JAG1: variants seen among roughly 807,000 people sequenced by gnomAD.
JAG1 encodes protein jagged-1.
A neutral mutation model predicts 148.7 loss-of-function variants in JAG1; 23 were observed. The ratio of observed to expected loss-of-function variants is 0.15; its 90% CI spans 0.11 to 0.22. JAG1 has a LOEUF of 0.22. Among genes scored for constraint, JAG1 ranks in the 10% least tolerant of loss-of-function variants. JAG1 has a pLI of 1.00. For missense variants in JAG1, 1,054 were observed against 1,611.2 expected, an observed-to-expected ratio of 0.65 and a Z score of 5.92; for synonymous variants, 572 against 598.3, an observed-to-expected ratio of 0.96 and a Z score of 0.64.
At position 10,641,981 on chromosome 20, in the gene JAG1, C is replaced by T. The variant is rs576292062; in HGVS notation, c.2573-89G>A. The T allele has an allele frequency of 5.8e-5, 50 of 869,434 alleles. No individual in the cohort carries two copies. In the African/African-American group the frequency reaches 7.2e-4, roughly 13 times the overall value. The allele number at this position is 869,434 out of a possible 1,614,324, so 53.9% of individuals were successfully genotyped here. On this transcript the variant is annotated intron_variant, in intron 21 of 25. Coordinates refer to ENST00000254958, the MANE Select transcript of JAG1 (RefSeq NM_000214.3). ...GGTCCCTGTTATGAAATGGTTATGC[C>T]TGTGCCCTTTGCCATGTTAAGATCA...
intron 21 of JAG1, 67 bp from the exon 22 acceptor site, chr20:10,641,959 C>T: frequency 9.5e-7 from 1 of 1,049,684 alleles, no homozygotes; most frequent in East Asian, 2.4e-5. Context: ...ATTCTTTGGT[C>T]CCTGTTATGA....
At chr20:10,652,868 G>A (rs893855266) in intron 5 of JAG1, 2 of 407,460 alleles carry the variant, frequency 4.9e-6, no homozygotes, top group Non-Finnish European at 9.3e-6. Flanking sequence ...CTCTTCTCAG[G>A]CTCACACGAG....
chr20:10,649,738 A>G (rs1171291793), intron 9 of JAG1, 103 bp from the exon 10 acceptor site: 3 of 730,926 alleles, frequency 4.1e-6, no homozygotes, highest in Non-Finnish European at 7.4e-6. Context: ...GACATGAGAC[A>G]TTTTAATAAG....
rs2122604238 is a variant in JAG1 at position 10,645,870 on chromosome 20, T to C, written c.1999+101A>G. 1 of 852,320 alleles carries C rather than the reference T, an allele frequency of 1.2e-6. No individual in the cohort carries two copies. Among genetic ancestry groups the C allele is most frequent in the East Asian group, 2.4e-5 (1 of 41,492 alleles). 52.8% of individuals were successfully genotyped at this position (852,320 alleles called of 1,614,324 possible). On this transcript the variant is annotated intron_variant, in intron 15 of 25. Transcript: ENST00000254958. This position sits in a 1 kb window ranked among gnomAD's most constrained non-coding sequence, Gnocchi z 6.1. ...GTGCAGAAATCACTGCGGTCTTGCT[T>C]CCAGAGATTTCCAGTACAAAGAAAG...
intron 2 of JAG1, among the ~76,000 whole-genome samples, chr20:10,665,383 A>G (rs1175642183): frequency 6.6e-6 from 1 of 152,188 alleles, no homozygotes. Flanking sequence ...CTGTGGGAAA[A>G]TGCTCAGAAA....
Position 10,673,440 on chromosome 20 carries a change from G to A in JAG1, c.81+10C>T, listed in dbSNP as rs1007851584. On this transcript the variant is annotated intron_variant, in intron 1 of 25. Coordinates refer to ENST00000254958, the MANE Select transcript of JAG1 (RefSeq NM_000214.3). This position sits in a 1 kb window ranked among gnomAD's most constrained non-coding sequence, Gnocchi z 4.7. Reference sequence around the variant, plus strand: ...ACGGCTGGGAGGGAGGCCCGGAGAAGGGCTCCTACCTTGGCTCGCAGGGCA... The same window carrying A: ...ACGGCTGGGAGGGAGGCCCGGAGAAAGGCTCCTACCTTGGCTCGCAGGGCA... 7.6e-6 allele frequency: 11 copies of A among 1,451,768 alleles called. No individual in the cohort carries two copies. The highest frequency in any genetic ancestry group is 1.0e-5 in the Non-Finnish European group (11 of 1,103,000). The allele number at this position is 1,451,768 out of a possible 1,614,324, so 89.9% of individuals were successfully genotyped here. A position where few individuals can be genotyped will look rare whatever the true frequency, so the allele number is the denominator to read the frequency against.
intron 8 of JAG1, 112 bp downstream of exon 8, chr20:10,651,469 C>T (rs753597863): frequency 2.8e-5 from 20 of 706,142 alleles, no homozygotes; most frequent in South Asian, 8.4e-5. Context: ...GGCCTGCACC[C>T]GCCCCTCTCT....
intron 5 of JAG1, among the ~76,000 whole-genome samples, chr20:10,653,851 G>C (rs1162286485): frequency 6.6e-6 from 1 of 152,034 alleles, no homozygotes; most frequent in Non-Finnish European, 1.5e-5. Flanking sequence ...TGAGAATACT[G>C]ACTAACCACT....
intron 2 of JAG1, among the ~76,000 whole-genome samples, chr20:10,670,965 G>A (rs1280950892): frequency 6.6e-6 from 1 of 152,228 alleles, no homozygotes; most frequent in African/African-American, 2.4e-5. Flanking sequence ...TCCTTGGCCA[G>A]CGAGGGAGCA....
intron 9 of JAG1, 71 bp from the exon 10 acceptor site, chr20:10,649,706 G>A (rs755774107): frequency 3.5e-6 from 3 of 849,244 alleles, no homozygotes; most frequent in South Asian, 1.4e-5. Flanking sequence ...GAAAAAAAAA[G>A]AACAGGCCAG....
intron 5 of JAG1, among the ~76,000 whole-genome samples, 182 bp downstream of exon 5, chr20:10,656,216 G>A (rs1269279207): frequency 6.6e-6 from 1 of 152,184 alleles, no homozygotes; most frequent in Non-Finnish European, 1.5e-5. Flanking sequence ...GAGAAGTGGT[G>A]TGTGCATTCC....
At chr20:10,650,617 C>G (rs941219179) in intron 8 of JAG1, 3 of 495,888 alleles carry the variant, frequency 6.0e-6, no homozygotes, top group Non-Finnish European at 1.1e-5. Flanking sequence ...ACTGACGGAG[C>G]ATCCGCCCAG....
At chr20:10,647,358 T>G (rs2067316303) in intron 13 of JAG1, 1 of 549,642 alleles carries the variant, frequency 1.8e-6, no homozygotes. Context: ...GTGGATCCCC[T>G]TCATCCTACC....
intron 20 of JAG1, among the ~76,000 whole-genome samples, chr20:10,643,199 C>T (rs1568792988): frequency 6.6e-6 from 1 of 152,172 alleles, no homozygotes; most frequent in Non-Finnish European, 1.5e-5. Flanking sequence ...AATTTGGGTA[C>T]AAGAATCAAA....
intron 3 of JAG1, among the ~76,000 whole-genome samples, chr20:10,659,394 T>C (rs17457340): frequency 0.056 from 8,563 of 152,272 alleles, 314 homozygotes; most frequent in Admixed American, 0.088. Context: ...GCTCTTTACA[T>C]ATGAGAGACA....
In JAG1 at chr20:10,639,142, T is replaced by C; in HGVS notation, c.*356A>G. On this transcript the variant is annotated 3_prime_UTR_variant, in exon 26 of 26. Transcript: ENST00000254958. The stretch of plus-strand genomic sequence containing the variant: ...CAAAAACAACTCAAGAGTCAATAAA[T>C]ATAAATAAAACTATGATCTAAGACT... 3.3e-6 allele frequency: 1 copy of C among 301,632 alleles called. No individual in the cohort carries two copies. The highest frequency in any genetic ancestry group is 6.4e-6 in the Non-Finnish European group (1 of 155,356). The allele number at this position is 301,632 out of a possible 1,614,324, so 18.7% of individuals were successfully genotyped here.
chr20:10,650,780 C>CG, intron 8 of JAG1: 1 of 255,440 alleles, frequency 3.9e-6, no homozygotes. Context: ...CCCAAAATAG[C>CG]ACACCTAGAG....
chr20:10,655,531 C>A (rs1465449672), intron 5 of JAG1, among the ~76,000 whole-genome samples: 2 of 152,114 alleles, frequency 1.3e-5, no homozygotes, highest in Non-Finnish European at 2.9e-5. Flanking sequence ...ATAAGAGCCC[C>A]AAATAACATT....
Position 10,646,915 on chromosome 20 carries a change from CATTCCCGGATGAGGG to C in JAG1, c.1885+9_1885+23del. ...AGGGGCAGGCTGGGGAGCACTGGTC[CATTCCCGGATGAGGG>C]AGTCTTACTTTCATGGCAGTATGTT... On this transcript the variant is annotated intron_variant, in intron 14 of 25. Coordinates refer to ENST00000254958, the MANE Select transcript of JAG1 (RefSeq NM_000214.3). The C allele has an allele frequency of 6.2e-7, 1 of 1,612,628 alleles. No individual in the cohort carries two copies. The highest frequency in any genetic ancestry group is 8.5e-7 in the Non-Finnish European group (1 of 1,178,786).
Sources: allele counts gnomAD v4.1 joint callset (sites outside exome capture counted in the v4.1 genomes callset), GRCh38; gene constraint gnomAD v4.1.1; non-coding constraint Gnocchi (gnomAD v3.1); transcripts MANE v1.5; gene names NCBI Gene and HGNC (gene_info 2026-07-23, HGNC 2026-07-21).